Variants in DENND4C observed in about 807,000 individuals in gnomAD.
DENND4C encodes DENN domain containing 4C.
Under a neutral mutation model 203.0 loss-of-function variants are expected in DENND4C, and 108 were observed. That is an observed-to-expected ratio of 0.53 (90% confidence interval 0.46 to 0.62). The LOEUF is 0.62. DENND4C is among the 20% of genes least tolerant of loss of function. DENND4C has a pLI of 0.00. For missense variants in DENND4C, 2,481 were observed against 2,301.2 expected (o/e 1.08, Z -1.60); for synonymous variants, 871 against 792.4 (o/e 1.10, Z -1.67).
intron 1 of DENND4C, among the ~76,000 whole-genome samples, chr9:19,234,474 C>A (rs1293469708): frequency 1.3e-5 from 2 of 151,572 alleles, no homozygotes; most frequent in Non-Finnish European, 2.9e-5. Flanking sequence ...TCGTTATCCA[C>A]CCACCTTGGC....
In DENND4C at chr9:19,335,065, G is replaced by C; in HGVS notation, c.2549G>C (p.Arg850Thr). ...VRVLFEMKTARIKPNAITYGY... is the reference protein window; with the variant it reads ...VRVLFEMKTATIKPNAITYGY... Reference sequence around the variant, plus strand: ...GTCTTATTTGAAATGAAAACTGCTAGGATAAAGCCTAATGCTATTACTTAT... The same window carrying C: ...GTCTTATTTGAAATGAAAACTGCTACGATAAAGCCTAATGCTATTACTTAT... The change falls in exon 18 of 33, where the codon AGG becomes ACG. Residue 850 changes from arginine to threonine, a missense_variant. By Grantham distance (71) the Arg-to-Thr change is moderately conservative (BLOSUM62 -1). Around this residue, in one of 3 missense-constraint regions of DENND4C, gnomAD observed 2,289 missense variants for 2,113.3 expected, o/e 1.08. Coordinates refer to ENST00000434457, the MANE Select transcript of DENND4C (RefSeq NM_001330640.2). 1 of 1,612,030 alleles carries C rather than the reference G, an allele frequency of 6.2e-7. No homozygotes were observed. Among genetic ancestry groups the C allele is most frequent in the African/African-American group, 1.3e-5 (1 of 74,838 alleles).
At chr9:19,267,303 G>A (rs1345257173) in intron 1 of DENND4C, among the ~76,000 whole-genome samples, 1 of 152,080 alleles carries the variant, frequency 6.6e-6, no homozygotes, top group Admixed American at 6.5e-5. Context: ...TTGGGTGCAT[G>A]TGTATTTATA....
intron 27 of DENND4C, 143 bp downstream of exon 27, chr9:19,357,297 T>G (rs778368598): frequency 7.2e-6 from 5 of 694,628 alleles, no homozygotes; most frequent in Non-Finnish European, 1.2e-5. Context: ...ACATAGTGTT[T>G]AACGAGCTAA....
intron 5 of DENND4C, among the ~76,000 whole-genome samples, chr9:19,291,669 C>T (rs1230977797): frequency 6.9e-6 from 1 of 145,882 alleles, no homozygotes; most frequent in East Asian, 2.0e-4. Flanking sequence ...TGCACCATTG[C>T]ACTCCAGCCT....
At chr9:19,316,306 T>G (rs1841838678) in intron 10 of DENND4C, 111 bp from the exon 11 acceptor site, 1 of 753,924 alleles carries the variant, frequency 1.3e-6, no homozygotes, top group African/African-American at 1.8e-5. Flanking sequence ...CAGTTAAGAC[T>G]GTAGTAAAAA....
chr9:19,291,026 A>G (rs1298496125), intron 5 of DENND4C, 150 bp downstream of exon 5: 6 of 776,692 alleles, frequency 7.7e-6, no homozygotes, highest in Non-Finnish European at 1.2e-5. Context: ...TGAGAAATCA[A>G]CATGAAAATT....
At chr9:19,366,081 T>A (rs1202157787) in intron 30 of DENND4C, among the ~76,000 whole-genome samples, 1 of 152,216 alleles carries the variant, frequency 6.6e-6, no homozygotes, top group Non-Finnish European at 1.5e-5. Context: ...TTGAAATTCA[T>A]ATGGATGTTC....
chr9:19,341,951 C>T (rs1484306302), intron 21 of DENND4C, among the ~76,000 whole-genome samples: 2 of 151,902 alleles, frequency 1.3e-5, no homozygotes, highest in African/African-American at 2.4e-5. Flanking sequence ...GGCGAAACCC[C>T]GTCTCTACTA....
rs542886951 is a variant in DENND4C at position 19,324,169 on chromosome 9, C to A, written c.1808-193C>A. ...TTTCAAAATCTTAAAAAAAAAAATCCGAAATCTGAAACACTTTTGGTCCCA... is the reference window on the plus strand; with the variant it reads ...TTTCAAAATCTTAAAAAAAAAAATCAGAAATCTGAAACACTTTTGGTCCCA... On this transcript the variant is annotated intron_variant, in intron 12 of 32. Transcript: ENST00000434457. Among the ~76,000 whole-genome samples the A allele has an allele frequency of 4.0e-5, 6 of 151,454 alleles. No individual in the cohort carries two copies. In the Middle Eastern group the frequency reaches 0.014, roughly 343 times the overall value.
At chr9:19,278,940 A>G (rs1330830828) in intron 2 of DENND4C, among the ~76,000 whole-genome samples, 1 of 152,184 alleles carries the variant, frequency 6.6e-6, no homozygotes, top group Non-Finnish European at 1.5e-5. Context: ...ATTGTAGCCC[A>G]TGGACCAGTA....
In DENND4C at chr9:19,336,697, G is replaced by A; in HGVS notation, c.2746G>A (p.Val916Ile). ...QVSSISALQN[V>I]TGGSDGDTVS... Reference sequence around the variant, plus strand: ...GTCCTTATCTTTAGCTCTTCAAAATGTCACAGGTGGAAGTGATGGGGACAC... The same window carrying A: ...GTCCTTATCTTTAGCTCTTCAAAATATCACAGGTGGAAGTGATGGGGACAC... The change falls in exon 20 of 33, where the codon GTC becomes ATC. Residue 916 changes from valine to isoleucine, a missense_variant. Around this residue, in one of 3 missense-constraint regions of DENND4C, gnomAD observed 2,289 missense variants for 2,113.3 expected, o/e 1.08. Transcript: ENST00000434457. The A allele has an allele frequency of 1.3e-6, 2 of 1,550,920 alleles. No homozygotes were observed. The highest frequency in any genetic ancestry group is 1.4e-5 in the African/African-American group (1 of 73,140).
chr9:19,317,169 T>C (rs1019781345), intron 12 of DENND4C, among the ~76,000 whole-genome samples: 2 of 151,018 alleles, frequency 1.3e-5, no homozygotes, highest in African/African-American at 4.9e-5. Context: ...CATAGTTCCT[T>C]GGATTTGTAC....
intron 5 of DENND4C, among the ~76,000 whole-genome samples, chr9:19,293,178 G>A (rs1441774558): frequency 6.6e-6 from 1 of 152,162 alleles, no homozygotes; most frequent in Non-Finnish European, 1.5e-5. Flanking sequence ...TACCTAATAT[G>A]CTTTGGCAGT....
At chr9:19,270,142 C>T (rs1317808463) in intron 1 of DENND4C, among the ~76,000 whole-genome samples, 4 of 152,160 alleles carry the variant, frequency 2.6e-5, no homozygotes, top group Non-Finnish European at 5.9e-5. Flanking sequence ...TGCTGAGCTA[C>T]CTGGAGTTGA....
At chr9:19,247,030 T>C (rs1441287030) in intron 1 of DENND4C, among the ~76,000 whole-genome samples, 1 of 152,208 alleles carries the variant, frequency 6.6e-6, no homozygotes, top group Admixed American at 6.5e-5. Context: ...GAAATCACTC[T>C]TGTCAGTGTT....
chr9:19,234,289 G>A (rs1821313797), intron 1 of DENND4C, among the ~76,000 whole-genome samples: 2 of 151,680 alleles, frequency 1.3e-5, no homozygotes, highest in South Asian at 2.1e-4. Flanking sequence ...GGAGTGCAGT[G>A]GCGCGATCTC....
At chr9:19,235,534 A>G (rs772117417) in intron 1 of DENND4C, among the ~76,000 whole-genome samples, 23 of 149,536 alleles carry the variant, frequency 1.5e-4, no homozygotes, top group Non-Finnish European at 2.2e-4. Flanking sequence ...AATGTTTTGA[A>G]GTGTTCTTTG....
chr9:19,289,636 C>G (rs1303589657), intron 4 of DENND4C, among the ~76,000 whole-genome samples: 1 of 152,052 alleles, frequency 6.6e-6, no homozygotes, highest in East Asian at 1.9e-4. Flanking sequence ...TGAGACCAGC[C>G]TGGCCAACAT....
chr9:19,326,205 G>C lies in DENND4C; in HGVS notation c.2120+11G>C, dbSNP rs765623989. On this transcript the variant is annotated intron_variant, in intron 15 of 32. Transcript: ENST00000434457. ...GTCACCAAAGTACAGGTAGTAGGAA[G>C]TTTTAAAAGAGCTTAATGGCACAGC... 1.3e-6 allele frequency: 2 copies of C among 1,597,284 alleles called. No individual in the cohort carries two copies.
Sources: gnomAD v4.1 joint callset for allele counts (sites outside exome capture counted in the v4.1 genomes callset) on GRCh38, gnomAD v4.1.1 for gene constraint, gnomAD v4.1.1 regional missense constraint, MANE v1.5 for transcripts, NCBI Gene and HGNC (gene_info 2026-07-23, HGNC 2026-07-21) for gene names.